Variants in TEX14 observed in about 807,000 individuals in gnomAD.
The protein encoded by TEX14 is inactive serine/threonine-protein kinase TEX14.
Under a neutral mutation model 178.6 loss-of-function variants are expected in TEX14, and 168 were observed. That is an observed-to-expected ratio of 0.94 (90% CI 0.83 to 1.07). The LOEUF is 1.07. Ranked by LOEUF, TEX14 falls within the 50% of genes least tolerant of loss-of-function variation. The pLI, the probability that TEX14 is intolerant of heterozygous loss-of-function variation, is 0.00. For synonymous variants in TEX14, 626 were observed against 634.1 expected (o/e 0.99, Z 0.19); for missense variants, 1,730 against 1,753.6 (o/e 0.99, Z 0.24).
chr17:58,650,228 T>C (rs527295060), intron 2 of TEX14, among the ~76,000 whole-genome samples: 1 of 151,716 alleles, frequency 6.6e-6, no homozygotes, highest in Admixed American at 6.6e-5. Flanking sequence ...CGGCTAATTA[T>C]TTTTAGTAGA....
chr17:58,647,673 T>G (rs1193099990), intron 2 of TEX14, among the ~76,000 whole-genome samples: 1 of 151,706 alleles, frequency 6.6e-6, no homozygotes, highest in Non-Finnish European at 1.5e-5. Context: ...TTCAACAAAT[T>G]CCAATTTCTT....
In TEX14 at chr17:58,615,308, G is replaced by A; in HGVS notation, c.805C>T (p.Leu269=). 6.2e-7 allele frequency: 1 copy of A among 1,613,480 alleles called. No homozygotes were observed. The highest frequency in any genetic ancestry group is 8.5e-7 in the Non-Finnish European group (1 of 1,179,438). ...CAGTGTGGGTGGGTGGGGAGATTCA[G>A]CTCTTTCACTGTGACCCTGCTCCCA... The part of the protein sequence containing the change: ...WNGSRVTVKE[L]NLPTHPHCSR... The change falls in exon 8 of 32, where the codon CTG becomes TTG. Residue 269 remains leucine (L), a synonymous_variant. Transcript: ENST00000349033.
At chr17:58,620,007 C>A (rs1390244369) in intron 5 of TEX14, among the ~76,000 whole-genome samples, 2 of 152,162 alleles carry the variant, frequency 1.3e-5, no homozygotes, top group African/African-American at 4.8e-5. Flanking sequence ...CCCTACCATG[C>A]ACCAAGCAGC....
intron 2 of TEX14, among the ~76,000 whole-genome samples, chr17:58,651,202 G>A (rs564138297): frequency 7.2e-5 from 11 of 152,288 alleles, no homozygotes; most frequent in South Asian, 2.1e-4. Flanking sequence ...ACCTGAGCCC[G>A]TGGAGGTTGA....
intron 1 of TEX14, among the ~76,000 whole-genome samples, chr17:58,663,033 C>T (rs796831531): frequency 4.7e-5 from 7 of 150,102 alleles, no homozygotes; most frequent in African/African-American, 1.7e-4. Flanking sequence ...GGTGTGAACC[C>T]GGGAGGCAGA....
chr17:58,638,530 T>C (rs1037189296), intron 2 of TEX14, among the ~76,000 whole-genome samples: 4 of 152,082 alleles, frequency 2.6e-5, no homozygotes, highest in Admixed American at 6.6e-5. Flanking sequence ...CTGGATGAGA[T>C]TGGAGACTAT....
chr17:58,631,503 C>T (rs1306525142), intron 2 of TEX14: 3 of 151,926 alleles, frequency 2.0e-5, no homozygotes, highest in Admixed American at 6.6e-5. Context: ...AAGCACTCTG[C>T]ACAATCCTAA....
At chr17:58,660,476 C>A in intron 1 of TEX14, 1 of 606,534 alleles carries the variant, frequency 1.6e-6, no homozygotes, top group South Asian at 2.5e-5. Flanking sequence ...TCTTTGCCTT[C>A]GTTTTACACA....
intron 9 of TEX14, among the ~76,000 whole-genome samples, chr17:58,611,785 G>C (rs1252465954): frequency 6.6e-6 from 1 of 152,210 alleles, no homozygotes; most frequent in African/African-American, 2.4e-5. Context: ...AGATGAGACA[G>C]AAAGTGCCTC....
intron 14 of TEX14, among the ~76,000 whole-genome samples, chr17:58,596,052 G>A (rs1392134481): frequency 2.6e-5 from 4 of 152,012 alleles, no homozygotes; most frequent in African/African-American, 9.7e-5. Flanking sequence ...GCATGGTGGT[G>A]CGCACCTGTA....
At chr17:58,611,003 T>G (rs889771281) in intron 10 of TEX14, among the ~76,000 whole-genome samples, 158 bp downstream of exon 10, 1 of 152,200 alleles carries the variant, frequency 6.6e-6, no homozygotes, top group Non-Finnish European at 1.5e-5. Flanking sequence ...CCTCTAGCCT[T>G]GGCAGACAGG....
At chr17:58,563,773 T>C (rs1277753074) in intron 28 of TEX14, among the ~76,000 whole-genome samples, 2 of 142,774 alleles carry the variant, frequency 1.4e-5, no homozygotes, top group African/African-American at 2.6e-5. Context: ...ATATAGATCA[T>C]ACATATATGT....
intron 15 of TEX14, among the ~76,000 whole-genome samples, chr17:58,589,649 G>T (rs1013218458): frequency 2.0e-5 from 3 of 147,310 alleles, no homozygotes; most frequent in South Asian, 4.5e-4. Flanking sequence ...GGACCAGAAA[G>T]CAGAGAGACT....
Position 58,602,508 on chromosome 17 carries a change from C to T in TEX14, c.1419G>A (p.Arg473=). ...VSGNYLEADV[R]LPKPYYDIVK... ...CAATATCATAGTAAGGTTTCGGAAG[C>T]CTGACATCAGCTTCTAAATAATTCC... Residue 473 remains arginine (R), a synonymous_variant, in exon 12 of 32, where the codon AGG becomes AGA. Transcript: ENST00000349033. The T allele has an allele frequency of 6.2e-7, 1 of 1,613,968 alleles. No individual in the cohort carries two copies. The highest frequency in any genetic ancestry group is 1.1e-5 in the South Asian group (1 of 91,076).
rs2044901431 is a variant in TEX14 at position 58,584,423 on chromosome 17, A to G, written c.3171+77T>C. 6 of 1,075,768 alleles carry G rather than the reference A, an allele frequency of 5.6e-6. No individual in the cohort carries two copies. In the South Asian group the frequency reaches 7.7e-5, roughly 14 times the overall value. 66.6% of individuals were successfully genotyped at this position (1,075,768 alleles called of 1,614,324 possible). On this transcript the variant is annotated intron_variant, in intron 19 of 31. Transcript: ENST00000349033. ...CTACTATAGCTATTATTTTGGTGTC[A>G]TAACACATAACAATAACTCAGTTCT...
At chr17:58,659,372 A>G (rs1208051046) in intron 1 of TEX14, 3 of 978,248 alleles carry the variant, frequency 3.1e-6, no homozygotes, top group African/African-American at 1.8e-5. Context: ...GGCAAATTGT[A>G]TTATGAGTTG....
At position 58,661,539 on chromosome 17, in the gene TEX14, T is replaced by A. The variant is rs368097592; in HGVS notation, c.-1-9537A>T. ...TCGACTTCGTCCAGAAGCTGTTTGC[T>A]GGAATCGAACAGCTCGGGGAGCCGC... On this transcript the variant is annotated intron_variant, in intron 1 of 31. Coordinates refer to ENST00000349033, the MANE Select transcript of TEX14 (RefSeq NM_031272.5). 204 of 776,642 alleles carry A rather than the reference T, an allele frequency of 2.6e-4. 1 individual carries two copies. The highest frequency in any genetic ancestry group is 7.2e-5 in the Non-Finnish European group (30 of 415,892). The allele number at this position is 776,642 out of a possible 1,614,324, so 48.1% of individuals were successfully genotyped here.
intron 1 of TEX14, among the ~76,000 whole-genome samples, chr17:58,667,581 G>A (rs2047234623): frequency 6.6e-6 from 1 of 152,146 alleles, no homozygotes; most frequent in Non-Finnish European, 1.5e-5. Flanking sequence ...AAGAACCTGA[G>A]GCATGACAAA....
intron 1 of TEX14, chr17:58,675,140 T>A (rs1451980186): frequency 1.4e-5 from 2 of 146,920 alleles, no homozygotes; most frequent in African/African-American, 2.5e-5. Flanking sequence ...AGGGAAACCA[T>A]CTCCAAAAAA....
Sources: allele counts gnomAD v4.1 joint callset (sites outside exome capture counted in the v4.1 genomes callset), GRCh38; gene constraint gnomAD v4.1.1; transcripts MANE v1.5; gene names NCBI Gene and HGNC (gene_info 2026-07-23, HGNC 2026-07-21).